Variants in CLSTN2 observed in about 807,000 individuals in gnomAD.
CLSTN2 encodes calsyntenin-2.
A neutral mutation model predicts 101.2 loss-of-function variants in CLSTN2; 48 were observed. The observed-to-expected ratio is 0.47, with a 90% CI of 0.38 to 0.60. The LOEUF (loss-of-function observed/expected upper bound fraction) is 0.60. Among genes scored for constraint, CLSTN2 ranks in the 20% least tolerant of loss-of-function variants. The pLI is 0.00. For missense variants in CLSTN2, 1,160 were observed against 1,238.2 expected (o/e 0.94, Z 0.95); for synonymous variants, 481 against 463.6 (o/e 1.04, Z -0.48).
Position 140,383,930 on chromosome 3 carries a change from C to T in CLSTN2, c.233-19699C>T, listed in dbSNP as rs184717726. Reference sequence around the variant, plus strand: ...AGCAAAGCACCTGTAATACCAATATCCACGTACTGTGAAGGAAAATGTCAA... The same window carrying T: ...AGCAAAGCACCTGTAATACCAATATTCACGTACTGTGAAGGAAAATGTCAA... On this transcript the variant is annotated intron_variant, in intron 2 of 16. Coordinates refer to ENST00000458420, the MANE Select transcript of CLSTN2 (RefSeq NM_022131.3). 3.9e-5 allele frequency among the ~76,000 whole-genome samples: 6 copies of T among 152,226 alleles called. No homozygotes were observed. In the East Asian group the frequency reaches 1.2e-3, roughly 29 times the overall value.
intron 16 of CLSTN2, 149 bp downstream of exon 16, chr3:140,564,294 G>T: frequency 1.5e-6 from 1 of 664,820 alleles, no homozygotes; most frequent in African/African-American, 1.8e-5. Flanking sequence ...TCCTGTCTCT[G>T]AGCTCCTCTA....
At chr3:140,391,959 A>T (rs1559856880) in intron 2 of CLSTN2, among the ~76,000 whole-genome samples, 1 of 152,172 alleles carries the variant, frequency 6.6e-6, no homozygotes, top group Non-Finnish European at 1.5e-5. Flanking sequence ...TGAATTAACC[A>T]TCTAAAGAAG....
intron 1 of CLSTN2, among the ~76,000 whole-genome samples, chr3:140,056,345 T>C (rs879911836): frequency 5.6e-4 from 86 of 152,270 alleles, no homozygotes; most frequent in Non-Finnish European, 1.1e-3. Flanking sequence ...GTATCTCCCC[T>C]CCTGCCAACC....
chr3:139,952,538 T>C (rs1033425532), intron 1 of CLSTN2, among the ~76,000 whole-genome samples: 6 of 152,186 alleles, frequency 3.9e-5, no homozygotes, highest in Non-Finnish European at 7.3e-5. Context: ...TTATCCTGAT[T>C]TGCTGAAATG....
chr3:140,506,915 T>C (rs1934694160), intron 8 of CLSTN2: 1 of 152,250 alleles, frequency 6.6e-6, no homozygotes, highest in Admixed American at 6.5e-5. Context: ...TAAAGTACAG[T>C]ATTAAATTCA....
intron 8 of CLSTN2, among the ~76,000 whole-genome samples, chr3:140,488,940 G>A (rs563387325): frequency 6.6e-6 from 1 of 152,092 alleles, no homozygotes; most frequent in African/African-American, 2.4e-5. Context: ...ATCCAGACTG[G>A]GAAAATCTAT....
rs1167290874 is a variant in CLSTN2, at chr3:139,941,268, G to T, written c.109+5785G>T. ...AGCTGAAGATCCTGGCACTGTGTAG[G>T]ACAGAGGATCATGCTCTGAGATTTG... is the stretch of plus-strand genomic sequence containing the variant. On this transcript the variant is annotated intron_variant, in intron 1 of 16. Transcript: ENST00000458420. Among the ~76,000 whole-genome samples, 3 of 152,064 alleles carry T rather than the reference G, an allele frequency of 2.0e-5. No homozygotes were observed. The East Asian group carries it at 5.8e-4, about 29-fold the overall frequency.
intron 1 of CLSTN2, 115 bp from the exon 2 acceptor site, chr3:140,175,836 T>C (rs1294001266): frequency 9.9e-7 from 1 of 1,012,794 alleles, no homozygotes; most frequent in East Asian, 2.6e-5. Flanking sequence ...ATGTCTCTCA[T>C]GGGATTGTTG....
chr3:140,414,473 G>C (rs1296673952), intron 4 of CLSTN2, among the ~76,000 whole-genome samples: 1 of 151,980 alleles, frequency 6.6e-6, no homozygotes, highest in Non-Finnish European at 1.5e-5. Flanking sequence ...GGAATTGAAA[G>C]CCAAATACTG....
intron 5 of CLSTN2, among the ~76,000 whole-genome samples, chr3:140,426,109 A>G (rs1448297990): frequency 2.6e-5 from 4 of 152,160 alleles, no homozygotes; most frequent in Non-Finnish European, 4.4e-5. Flanking sequence ...TGAATTTGCA[A>G]TCTTTCTTTT....
At chr3:139,963,385 C>G (rs1194663734) in intron 1 of CLSTN2, among the ~76,000 whole-genome samples, 2 of 152,074 alleles carry the variant, frequency 1.3e-5, no homozygotes, top group African/African-American at 4.8e-5. Flanking sequence ...TCCTACTTTT[C>G]CAATCACATT....
intron 1 of CLSTN2, among the ~76,000 whole-genome samples, chr3:140,056,896 G>A (rs375382773): frequency 6.6e-6 from 1 of 152,190 alleles, no homozygotes; most frequent in African/African-American, 2.4e-5. Flanking sequence ...TGTGACATCA[G>A]TGCCCAAGAT....
At chr3:140,456,700 T>C (rs574398463) in intron 6 of CLSTN2, among the ~76,000 whole-genome samples, 81 of 152,130 alleles carry the variant, frequency 5.3e-4, no homozygotes, top group African/African-American at 1.8e-3. Context: ...GGCAGGAGAA[T>C]CGCTTGAACC....
intron 2 of CLSTN2, among the ~76,000 whole-genome samples, chr3:140,305,779 G>A (rs2107913071): frequency 6.6e-6 from 1 of 151,964 alleles, no homozygotes; most frequent in East Asian, 1.9e-4. Flanking sequence ...AAAAAAGTGA[G>A]GCACGGGATT....
At chr3:140,408,801 A>G (rs559931950) in intron 4 of CLSTN2, among the ~76,000 whole-genome samples, 2 of 152,314 alleles carry the variant, frequency 1.3e-5, no homozygotes, top group Admixed American at 1.3e-4. Context: ...TGTCACAACC[A>G]TGTGTGTACC....
At chr3:140,138,462 A>C (rs1046058006) in intron 1 of CLSTN2, among the ~76,000 whole-genome samples, 4 of 152,174 alleles carry the variant, frequency 2.6e-5, no homozygotes, top group African/African-American at 9.7e-5. Flanking sequence ...ACCTGAGGTA[A>C]GTGCATATTC....
chr3:140,168,582 C>T (rs924729973), intron 1 of CLSTN2, among the ~76,000 whole-genome samples: 1 of 151,906 alleles, frequency 6.6e-6, no homozygotes, highest in African/African-American at 2.4e-5. Flanking sequence ...AACCCAAGGA[C>T]ACTAAGATTT....
At chr3:140,456,283 C>G (rs1365873204) in intron 6 of CLSTN2, among the ~76,000 whole-genome samples, 1 of 152,108 alleles carries the variant, frequency 6.6e-6, no homozygotes, top group Non-Finnish European at 1.5e-5. Context: ...GGCTTTGGAG[C>G]TGGGAAGTCC....
chr3:140,340,187 C>A (rs1318311118), intron 2 of CLSTN2, among the ~76,000 whole-genome samples: 1 of 152,242 alleles, frequency 6.6e-6, no homozygotes, highest in Non-Finnish European at 1.5e-5. Flanking sequence ...TAGCAGATGT[C>A]CTCCTACAAT....
Sources: allele counts gnomAD v4.1 joint callset (sites outside exome capture counted in the v4.1 genomes callset), GRCh38; gene constraint gnomAD v4.1.1; transcripts MANE v1.5; gene names NCBI Gene and HGNC (gene_info 2026-07-23, HGNC 2026-07-21).